The following HERC3 variants were observed in gnomAD, a reference collection of about 807,000 sequenced individuals.
HERC3 encodes probable E3 ubiquitin-protein ligase HERC3.
In HERC3, 58 loss-of-function variants were observed where a neutral mutation model predicts 129.9. The ratio of observed to expected loss-of-function variants is 0.45; its 90% CI spans 0.36 to 0.56. HERC3 has a LOEUF of 0.56. Among genes scored for constraint, HERC3 ranks in the 20% least tolerant of loss-of-function variants. HERC3 has a pLI of 0.00. For synonymous variants in HERC3, 430 were observed against 451.0 expected, an observed-to-expected ratio of 0.95 and a Z score of 0.59; for missense variants, 835 against 1,244.2, an observed-to-expected ratio of 0.67 and a Z score of 4.95.
At chr4:88,607,379 G>A (rs958581689) in intron 3 of HERC3, among the ~76,000 whole-genome samples, 4 of 152,122 alleles carry the variant, frequency 2.6e-5, no homozygotes, top group South Asian at 4.1e-4. Flanking sequence ...GGACTAATTC[G>A]TTTCCTTAAA....
intron 3 of HERC3, among the ~76,000 whole-genome samples, chr4:88,624,887 A>G (rs982678878): frequency 5.9e-5 from 9 of 152,166 alleles, no homozygotes; most frequent in Non-Finnish European, 8.8e-5. Flanking sequence ...TATGTAGGTG[A>G]TATAATGGTC....
chr4:88,551,457 T>C, the HERC3 span, among the ~76,000 whole-genome samples: 37 of 148,822 alleles, frequency 2.5e-4, no homozygotes, highest in Non-Finnish European at 1.2e-4. Context: ...AACAACCCCA[T>C]CAAAAAGTGG....
At chr4:88,631,529 G>A (rs547264218) in intron 3 of HERC3, among the ~76,000 whole-genome samples, 1 of 152,294 alleles carries the variant, frequency 6.6e-6, no homozygotes, top group African/African-American at 2.4e-5. Flanking sequence ...TGGTTGAAAA[G>A]ATTTGGCTTA....
At chr4:88,697,653 A>C (rs146360395) in intron 23 of HERC3, 4 of 1,612,326 alleles carry the variant, frequency 2.5e-6, no homozygotes, top group African/African-American at 1.3e-5. Context: ...CACAGTCTCC[A>C]CCCTGCGCAC....
the HERC3 span, among the ~76,000 whole-genome samples, chr4:88,569,259 T>C: frequency 1.3e-4 from 20 of 152,308 alleles, no homozygotes; most frequent in African/African-American, 4.8e-4. Flanking sequence ...TGAGTTCCAA[T>C]GGAAAGTCCC....
At chr4:88,615,645 T>G (rs910681430) in intron 3 of HERC3, among the ~76,000 whole-genome samples, 2 of 152,330 alleles carry the variant, frequency 1.3e-5, no homozygotes, top group Admixed American at 1.3e-4. Context: ...CATGTCTTAG[T>G]TTCCTTAGTT....
In HERC3 at chr4:88,689,249, A is replaced by G. The variant is rs1279618626; in HGVS notation, c.2657+1950A>G. Among the ~76,000 whole-genome samples the G allele has an allele frequency of 3.3e-5, 5 of 151,938 alleles. 1 individual carries two copies. Among genetic ancestry groups the G allele is most frequent in the South Asian group, 2.1e-4 (1 of 4,814 alleles). On this transcript the variant is annotated intron_variant, in intron 23 of 25. Transcript: ENST00000402738. The stretch of plus-strand genomic sequence containing the variant: ...GCTGGATGCAGTGGCTCATGCCTGT[A>G]ATTCCAGAACTTTGGGAGGCCAAGG...
At chr4:88,681,638 C>G (rs2149317325) in intron 21 of HERC3, among the ~76,000 whole-genome samples, 1 of 152,292 alleles carries the variant, frequency 6.6e-6, no homozygotes, top group East Asian at 1.9e-4. Context: ...CTTCCATATC[C>G]TTGGGTTTTA....
chr4:88,562,210 T>G, the HERC3 span, among the ~76,000 whole-genome samples: 2 of 152,224 alleles, frequency 1.3e-5, no homozygotes, highest in Admixed American at 1.3e-4. Context: ...TGAGATGATA[T>G]CTCATTGTAA....
At chr4:88,563,368 T>C in the HERC3 span, among the ~76,000 whole-genome samples, 3 of 152,254 alleles carry the variant, frequency 2.0e-5, no homozygotes, top group African/African-American at 7.2e-5. Flanking sequence ...TGAAACTTAC[T>C]GAATTTGTTT....
chr4:88,693,143 C>T (rs1001061622), intron 23 of HERC3: 4 of 985,070 alleles, frequency 4.1e-6, no homozygotes, highest in Non-Finnish European at 4.8e-6. Flanking sequence ...TCTGTTTCTT[C>T]ACTGTTGAAT....
At position 88,707,669 on chromosome 4, in the gene HERC3, A is replaced by T. The variant is rs1378797080; in HGVS notation, c.*709A>T. The T allele has an allele frequency of 6.6e-6, 1 of 152,276 alleles. No homozygotes were observed. The highest frequency in any genetic ancestry group is 1.9e-4 in the East Asian group (1 of 5,198). 9.4% of individuals were successfully genotyped at this position (152,276 alleles called of 1,614,324 possible). On this transcript the variant is annotated 3_prime_UTR_variant, in exon 26 of 26. Coordinates refer to ENST00000402738, the MANE Select transcript of HERC3 (RefSeq NM_014606.3). ...TTTTAAAAGATGTGCAGAGCAGCTT[A>T]GCATTCGTTGCAGCTGAGCCTAATT...
chr4:88,642,528 A>G (rs545883653), intron 3 of HERC3, among the ~76,000 whole-genome samples: 1 of 152,352 alleles, frequency 6.6e-6, no homozygotes, highest in South Asian at 2.1e-4. Context: ...AAGAACAAAC[A>G]TTTATTCTTA....
At chr4:88,558,967 C>CAAAAA in the HERC3 span, among the ~76,000 whole-genome samples, 8 of 111,878 alleles carry the variant, frequency 7.2e-5, no homozygotes, top group African/African-American at 2.1e-4. Context: ...GACTCTGTCT[C>CAAAAA]AAAAAAAAAA....
chr4:88,676,338 C>T lies in HERC3; in HGVS notation c.1940C>T (p.Thr647Ile). 6.2e-7 allele frequency: 1 copy of T among 1,610,206 alleles called. No homozygotes were observed. Among genetic ancestry groups the T allele is most frequent in the Admixed American group, 1.7e-5 (1 of 60,016 alleles). The stretch of plus-strand genomic sequence containing the variant: ...CAATAATGTGCTTTATTCTAGGATA[C>T]TGTAACACTTTGTTCCTACCCTTTC... ...MKARPSIIQDTVTLCSYPFIF... is the reference protein window; with the variant it reads ...MKARPSIIQDIVTLCSYPFIF... The change falls in exon 18 of 26, where the codon ACT (threonine) becomes ATT (isoleucine). Residue 647 changes from threonine (T) to isoleucine (I), a missense_variant. Transcript: ENST00000402738.
the HERC3 span, among the ~76,000 whole-genome samples, chr4:88,559,960 ATT>A: frequency 3.7e-4 from 44 of 119,540 alleles, no homozygotes; most frequent in South Asian, 1.5e-3. Context: ...GTTATTTTTG[ATT>A]TTTTTTTTTT....
At chr4:88,683,477 G>A (rs1270146157) in intron 21 of HERC3, among the ~76,000 whole-genome samples, 2 of 151,168 alleles carry the variant, frequency 1.3e-5, no homozygotes, top group Admixed American at 6.6e-5. Flanking sequence ...GAAAGAAAAG[G>A]CTAGAGAGCA....
chr4:88,642,831 G>A (rs1332267311), intron 3 of HERC3, among the ~76,000 whole-genome samples: 3 of 151,056 alleles, frequency 2.0e-5, no homozygotes, highest in African/African-American at 7.3e-5. Flanking sequence ...ATTGGACATG[G>A]CAAGGATGTC....
chr4:88,668,438 G>C (rs1482664903), intron 14 of HERC3: 1 of 245,772 alleles, frequency 4.1e-6, no homozygotes, highest in Admixed American at 5.4e-5. Flanking sequence ...TGGGAGTGAA[G>C]TGAACAGTTT....
Sources: gnomAD v4.1 joint callset for allele counts (sites outside exome capture counted in the v4.1 genomes callset) on GRCh38, gnomAD v4.1.1 for gene constraint, MANE v1.5 for transcripts, NCBI Gene and HGNC (gene_info 2026-07-23, HGNC 2026-07-21) for gene names.